Variants in VWC2 observed in about 807,000 individuals in gnomAD.
VWC2 encodes the protein von Willebrand factor C domain containing 2.
In VWC2, 14 loss-of-function variants were observed where a neutral mutation model predicts 29.8. The observed-to-expected ratio is 0.47, with a 90% CI of 0.31 to 0.74. The LOEUF (loss-of-function observed/expected upper bound fraction) is 0.74. VWC2 is among the 30% of genes least tolerant of loss of function. The pLI is 0.05. For missense variants in VWC2, 457 were observed against 459.8 expected (o/e 0.99, Z 0.05); for synonymous variants, 213 against 199.0 (o/e 1.07, Z -0.59).
chr7:49,808,628 A>G (rs1424444611), intron 3 of VWC2, among the ~76,000 whole-genome samples: 1 of 152,082 alleles, frequency 6.6e-6, no homozygotes, highest in Non-Finnish European at 1.5e-5. Flanking sequence ...GCTAAGACAT[A>G]AAACAAGTCT....
intron 3 of VWC2, among the ~76,000 whole-genome samples, chr7:49,864,342 T>G (rs1790792859): frequency 1.3e-5 from 2 of 152,192 alleles, no homozygotes; most frequent in South Asian, 4.1e-4. Flanking sequence ...CCTTCACCCC[T>G]TAACTGGATT....
chr7:49,860,248 C>T (rs760102213), intron 3 of VWC2, among the ~76,000 whole-genome samples: 1 of 152,182 alleles, frequency 6.6e-6, no homozygotes, highest in South Asian at 2.1e-4. Context: ...TAAGTGGTAT[C>T]TCCTCATTCC....
intron 3 of VWC2, among the ~76,000 whole-genome samples, chr7:49,806,501 T>C (rs1427569092): frequency 6.6e-6 from 1 of 152,212 alleles, no homozygotes. Context: ...TGCAGCTTTA[T>C]TTTTACAGGA....
At chr7:49,785,529 G>A (rs1788276653) in intron 2 of VWC2, among the ~76,000 whole-genome samples, 1 of 152,086 alleles carries the variant, frequency 6.6e-6, no homozygotes, top group East Asian at 1.9e-4. Context: ...TCTCATTCAG[G>A]AAACCCAATG....
At chr7:49,839,697 C>T (rs980740022) in intron 3 of VWC2, among the ~76,000 whole-genome samples, 2 of 152,062 alleles carry the variant, frequency 1.3e-5, no homozygotes, top group Admixed American at 1.3e-4. Flanking sequence ...TATGTTGGAT[C>T]CATGCAAGTG....
chr7:49,794,374 G>A (rs908796064), intron 2 of VWC2, among the ~76,000 whole-genome samples: 1 of 152,148 alleles, frequency 6.6e-6, no homozygotes, highest in South Asian at 2.1e-4. Context: ...CCACTTAATA[G>A]AGCATTCACA....
chr7:49,893,688 T>A (rs1482811993), intron 3 of VWC2, among the ~76,000 whole-genome samples: 2 of 151,820 alleles, frequency 1.3e-5, no homozygotes, highest in African/African-American at 4.8e-5. Context: ...CTAAAATATG[T>A]CAGGTATATA....
At chr7:49,871,304 TC>T in intron 3 of VWC2, among the ~76,000 whole-genome samples, 1 of 152,306 alleles carries the variant, frequency 6.6e-6, no homozygotes, top group African/African-American at 2.4e-5. Context: ...CAAGTCGGAT[TC>T]CCTGAAGCAC....
chr7:49,867,878 T>C (rs1790976922), intron 3 of VWC2, among the ~76,000 whole-genome samples: 1 of 151,786 alleles, frequency 6.6e-6, no homozygotes, highest in South Asian at 2.1e-4. Flanking sequence ...CTGTTGCCCA[T>C]GCTGGAGTGC....
At chr7:49,855,568 C>A (rs900719682) in intron 3 of VWC2, among the ~76,000 whole-genome samples, 9 of 152,148 alleles carry the variant, frequency 5.9e-5, no homozygotes, top group African/African-American at 2.2e-4. Flanking sequence ...GAGGAAGAGA[C>A]CTGCCAAGCA....
At chr7:49,906,093 C>T (rs1440698453) in intron 3 of VWC2, among the ~76,000 whole-genome samples, 1 of 152,150 alleles carries the variant, frequency 6.6e-6, no homozygotes, top group Non-Finnish European at 1.5e-5. Context: ...CAGTGGCCCT[C>T]AGGGCTGCTT....
At chr7:49,818,947 C>A (rs894732651) in intron 3 of VWC2, among the ~76,000 whole-genome samples, 3 of 151,670 alleles carry the variant, frequency 2.0e-5, no homozygotes, top group Admixed American at 1.3e-4. Context: ...AAGGCAACAG[C>A]CTCAGCAAAT....
At chr7:49,798,007 C>T (rs57264891) in intron 2 of VWC2, among the ~76,000 whole-genome samples, 1 of 152,200 alleles carries the variant, frequency 6.6e-6, no homozygotes, top group African/African-American at 2.4e-5. Context: ...TAAGTTTCTT[C>T]TGGGAAAATG....
chr7:49,911,923 GCA>G (rs10639154), intron 3 of VWC2, 109 bp from the exon 4 acceptor site: 2,336 of 344,126 alleles, frequency 6.8e-3, no homozygotes, highest in Middle Eastern at 0.012. Flanking sequence ...ACAAATACAC[GCA>G]CACACACACA....
intron 3 of VWC2, among the ~76,000 whole-genome samples, chr7:49,878,560 G>A (rs1328003259): frequency 6.6e-6 from 1 of 151,932 alleles, no homozygotes; most frequent in African/African-American, 2.4e-5. Context: ...AGCTCTCAAC[G>A]CTCGGTCTAC....
chr7:49,905,805 C>T (rs937174076), intron 3 of VWC2, among the ~76,000 whole-genome samples: 1 of 150,304 alleles, frequency 6.7e-6, no homozygotes, highest in Non-Finnish European at 1.5e-5. Context: ...GGTCATAAAG[C>T]CCTTGCTGAT....
chr7:49,857,734 T>C (rs1330197450), intron 3 of VWC2, among the ~76,000 whole-genome samples: 1 of 152,130 alleles, frequency 6.6e-6, no homozygotes, highest in Non-Finnish European at 1.5e-5. Context: ...TCAAAAACAG[T>C]ATGGAGATTT....
At chr7:49,806,063 T>C (rs1324341426) in intron 3 of VWC2, among the ~76,000 whole-genome samples, 1 of 152,184 alleles carries the variant, frequency 6.6e-6, no homozygotes, top group African/African-American at 2.4e-5. Flanking sequence ...TTTGATAAAA[T>C]GGATGTTGCA....
At chr7:49,843,936 G>A (rs1350980162) in intron 3 of VWC2, among the ~76,000 whole-genome samples, 2 of 152,156 alleles carry the variant, frequency 1.3e-5, no homozygotes, top group Non-Finnish European at 2.9e-5. Flanking sequence ...ATGAAGAAAA[G>A]GTGACAGTTA....
Sources: gnomAD v4.1 joint callset for allele counts (sites outside exome capture counted in the v4.1 genomes callset) on GRCh38, gnomAD v4.1.1 for gene constraint, MANE v1.5 for transcripts, NCBI Gene and HGNC (gene_info 2026-07-23, HGNC 2026-07-21) for gene names.